The following NFATC2IP variants were observed in gnomAD, a reference collection of about 807,000 sequenced individuals.
NFATC2IP encodes the protein nuclear factor of activated T cells 2 interacting protein.
Under a neutral mutation model 40.2 loss-of-function variants are expected in NFATC2IP, and 25 were observed. The observed-to-expected ratio is 0.62, with a 90% CI of 0.45 to 0.87. The LOEUF (loss-of-function observed/expected upper bound fraction) is 0.87, where lower values mean the gene tolerates loss of function less well. Ranked by LOEUF, NFATC2IP falls within the 40% of genes least tolerant of loss-of-function variation. The probability of loss-of-function intolerance (pLI) is 0.00; values close to 1 mark genes in which losing one functional copy is unlikely to be tolerated. For synonymous variants in NFATC2IP, 241 were observed against 236.3 expected, an observed-to-expected ratio of 1.02 and a Z score of -0.18; for missense variants, 553 against 555.6, an observed-to-expected ratio of 1.00 and a Z score of 0.05.
intron 3 of NFATC2IP, among the ~76,000 whole-genome samples, chr16:28,955,589 A>AT (rs1965011213): frequency 6.6e-6 from 1 of 151,798 alleles, no homozygotes; most frequent in African/African-American, 2.4e-5. Flanking sequence ...CTTCCTCTTT[A>AT]TTTTTTAAAT....
intron 7 of NFATC2IP, among the ~76,000 whole-genome samples, chr16:28,962,609 G>A (rs1331014689): frequency 6.6e-6 from 1 of 152,130 alleles, no homozygotes; most frequent in South Asian, 2.1e-4. Flanking sequence ...CTCTCTAGGG[G>A]CTGCCAGCCA....
intron 3 of NFATC2IP, 75 bp from the exon 4 acceptor site, chr16:28,955,903 A>T: frequency 8.4e-7 from 1 of 1,192,632 alleles, no homozygotes; most frequent in Non-Finnish European, 1.2e-6. Flanking sequence ...TTGATTGTCC[A>T]AGGATCTGAT....
intron 5 of NFATC2IP, among the ~76,000 whole-genome samples, chr16:28,957,226 G>C (rs1965031286): frequency 6.6e-6 from 1 of 151,936 alleles, no homozygotes; most frequent in South Asian, 2.1e-4. Flanking sequence ...TGGAGGCAGG[G>C]CTTCACCATA....
At chr16:28,961,298 A>G (rs1965082920) in intron 7 of NFATC2IP, among the ~76,000 whole-genome samples, 1 of 133,312 alleles carries the variant, frequency 7.5e-6, no homozygotes, top group Non-Finnish European at 1.5e-5. Context: ...ACTGCACTCC[A>G]GCCTGGGAGA....
intron 5 of NFATC2IP, 141 bp from the exon 6 acceptor site, chr16:28,958,570 TCTATAC>T (rs1965047154): frequency 2.8e-6 from 2 of 705,336 alleles, no homozygotes; most frequent in Non-Finnish European, 5.0e-6. Flanking sequence ...ACGATTTTAT[TCTATAC>T]CTTGCCAGGT....
chr16:28,954,762 G>C, intron 3 of NFATC2IP, 80 bp downstream of exon 3: 2 of 803,528 alleles, frequency 2.5e-6, no homozygotes, highest in Non-Finnish European at 4.2e-6. Context: ...GGACTCTTGG[G>C]TGACTCCTGA....
rs1745498577 is a variant in NFATC2IP at position 28,965,479 on chromosome 16, G to A, written c.*1616G>A. The A allele has an allele frequency of 6.6e-6, 1 of 152,102 alleles. No individual in the cohort carries two copies. Among genetic ancestry groups the A allele is most frequent in the South Asian group, 2.1e-4 (1 of 4,820 alleles). The allele number at this position is 152,102 out of a possible 1,614,324, so 9.4% of individuals were successfully genotyped here. On this transcript the variant is annotated 3_prime_UTR_variant, in exon 8 of 8. Transcript: ENST00000320805. ...GGAGGCCAAGGCGGGCAGATCATGA[G>A]GGCAGGAGATTGAGACCCTCCTGGC... is the stretch of plus-strand genomic sequence containing the variant.
intron 2 of NFATC2IP, 61 bp downstream of exon 2, chr16:28,952,265 G>GTCAGTTGTCTCCTGAGGCA (rs775574217): frequency 6.2e-7 from 1 of 1,607,822 alleles, no homozygotes; most frequent in Admixed American, 1.7e-5. Context: ...AGAATTCCTG[G>GTCAGTTGTCTCCTGAGGCA]GGTTTATATT....
chr16:28,958,722 G>T lies in NFATC2IP; in HGVS notation c.852G>T (p.Glu284Asp), dbSNP rs1248862294. The T allele has an allele frequency of 1.2e-6, 2 of 1,609,450 alleles. No individual in the cohort carries two copies. The highest frequency in any genetic ancestry group is 1.7e-6 in the Non-Finnish European group (2 of 1,178,340). The change falls in exon 6 of 8, where the codon GAG (glutamate) becomes GAT (aspartate). Residue 284 changes from glutamate (E) to aspartate (D), a missense_variant. Physicochemically the swap from Glu to Asp is conservative, Grantham distance 45 (BLOSUM62 2). Coordinates refer to ENST00000320805, the MANE Select transcript of NFATC2IP (RefSeq NM_032815.4). ...CTTGTTGTCCCCATCCCTAGTCGGA[G>T]CCCCTGCAGAGTGTGGTGGACCACA... The part of the protein sequence containing the change: ...DLVRLPLRMS[E>D]PLQSVVDHMA...
chr16:28,958,666 C>T, intron 5 of NFATC2IP, 51 bp from the exon 6 acceptor site: 1 of 1,525,674 alleles, frequency 6.6e-7, no homozygotes, highest in Non-Finnish European at 9.0e-7. Flanking sequence ...TGGCTGGGGG[C>T]ATGGATTTCA....
chr16:28,957,278 C>A (rs1596729283), intron 5 of NFATC2IP, among the ~76,000 whole-genome samples: 2 of 151,932 alleles, frequency 1.3e-5, no homozygotes, highest in Admixed American at 1.3e-4. Flanking sequence ...AAGTGTTCCC[C>A]TGTCTCAGCT....
chr16:28,958,966 G>A, intron 6 of NFATC2IP, 25 bp from the exon 7 acceptor site: 1 of 1,608,250 alleles, frequency 6.2e-7, no homozygotes, highest in Non-Finnish European at 8.5e-7. Context: ...ACTTAGCCCT[G>A]GCTTCCTGAT....
chr16:28,962,785 C>T (rs1042081753), intron 7 of NFATC2IP, among the ~76,000 whole-genome samples: 17 of 152,208 alleles, frequency 1.1e-4, no homozygotes, highest in Non-Finnish European at 1.9e-4. Flanking sequence ...CTCCTGCTGG[C>T]GGCCCACAGT....
At position 28,951,063 on chromosome 16, in the gene NFATC2IP, G is replaced by A. The variant is rs1295212426; in HGVS notation, c.52G>A (p.Gly18Ser). 1 of 1,542,818 alleles carries A rather than the reference G, an allele frequency of 6.5e-7. No homozygotes were observed. Among genetic ancestry groups the A allele is most frequent in the African/African-American group, 1.4e-5 (1 of 72,506 alleles). ...RGRWSGGSGAGRGGRGGWGGR... is the reference protein window; with the variant it reads ...RGRWSGGSGASRGGRGGWGGR... ...CCGCTGGTCCGGAGGTAGCGGTGCC[G>A]GCCGAGGGGGTCGGGGCGGCTGGGG... The change falls in exon 1 of 8, where the codon GGC becomes AGC. Residue 18 changes from glycine (G) to serine (S), a missense_variant. By Grantham distance (56) the Gly-to-Ser change is moderately conservative. Transcript: ENST00000320805.
rs910652402 is a variant in NFATC2IP, at chr16:28,959,789, A to G, written c.1101+689A>G. Among the ~76,000 whole-genome samples the G allele has an allele frequency of 3.9e-5, 6 of 151,974 alleles. No homozygotes were observed. The East Asian group carries it at 1.2e-3, about 29-fold the overall frequency. On this transcript the variant is annotated intron_variant, in intron 7 of 7. Transcript: ENST00000320805. Reference sequence around the variant, plus strand: ...CACCATGTTGGCCAGGCTGGTCTCAAACTCCTGACCTCAAGTGAGCCACCC... The same window carrying G: ...CACCATGTTGGCCAGGCTGGTCTCAGACTCCTGACCTCAAGTGAGCCACCC...
At position 28,960,490 on chromosome 16, in the gene NFATC2IP, AAT is replaced by A. The variant is rs1224193771; in HGVS notation, c.1101+1391_1101+1392del. ...CCCAATCTTATTTTCTAAATCATTAAATCAGTTTTGGATGAGACTTGGTATGG... is the reference window on the plus strand; with the variant it reads ...CCCAATCTTATTTTCTAAATCATTAACAGTTTTGGATGAGACTTGGTATGG... On this transcript the variant is annotated intron_variant, in intron 7 of 7. Coordinates refer to ENST00000320805, the MANE Select transcript of NFATC2IP (RefSeq NM_032815.4). Among the ~76,000 whole-genome samples the A allele has an allele frequency of 1.2e-4, 19 of 152,280 alleles. No homozygotes were observed. In the East Asian group the frequency reaches 3.3e-3, roughly 26 times the overall value.
chr16:28,956,481 G>T, intron 5 of NFATC2IP, 144 bp downstream of exon 5: 1 of 626,090 alleles, frequency 1.6e-6, no homozygotes, highest in Non-Finnish European at 2.8e-6. Context: ...TTTTCAGTCT[G>T]TCCTGCCTTC....
At chr16:28,960,218 A>G (rs1397946394) in intron 7 of NFATC2IP, among the ~76,000 whole-genome samples, 1 of 152,180 alleles carries the variant, frequency 6.6e-6, no homozygotes, top group Non-Finnish European at 1.5e-5. Context: ...CAACTTGATT[A>G]TATCTGCAAA....
rs1008625657 is a variant in NFATC2IP, at chr16:28,951,422, A to G, written c.387+24A>G. 4 of 1,371,588 alleles carry G rather than the reference A, an allele frequency of 2.9e-6. No homozygotes were observed. The African/African-American group carries it at 6.2e-5, about 21-fold the overall frequency. 85.0% of individuals were successfully genotyped at this position (1,371,588 alleles called of 1,614,324 possible). On this transcript the variant is annotated intron_variant, in intron 1 of 7. Coordinates refer to ENST00000320805, the MANE Select transcript of NFATC2IP (RefSeq NM_032815.4). ...AGGTGCGCCCGGTCCCGGGGAGGGG[A>G]CCGGCGGAAGGGCCAAGGGCTTGGC...
Sources: allele counts gnomAD v4.1 joint callset (sites outside exome capture counted in the v4.1 genomes callset), GRCh38; gene constraint gnomAD v4.1.1; transcripts MANE v1.5; gene names NCBI Gene and HGNC (gene_info 2026-07-23, HGNC 2026-07-21).